ASIC2: variants seen among roughly 807,000 people sequenced by gnomAD.
ASIC2 encodes the protein acid sensing ion channel subunit 2, also known as acid-sensing ion channel 2.
ASIC2 carries 25 observed loss-of-function variants against 57.3 expected under a neutral mutation model. The observed-to-expected ratio is 0.44, with a 90% CI of 0.32 to 0.61. The LOEUF (loss-of-function observed/expected upper bound fraction) is 0.61. Ranked by LOEUF, ASIC2 falls within the 20% of genes least tolerant of loss-of-function variation. ASIC2 has a pLI of 0.06. For synonymous variants in ASIC2, 319 were observed against 307.5 expected, an observed-to-expected ratio of 1.04 and a Z score of -0.39; for missense variants, 641 against 738.1, an observed-to-expected ratio of 0.87 and a Z score of 1.52.
chr17:33,618,603 T>TA (rs1399463452), intron 1 of ASIC2, among the ~76,000 whole-genome samples: 1 of 152,232 alleles, frequency 6.6e-6, no homozygotes, highest in African/African-American at 2.4e-5. Context: ...CTCATCCATG[T>TA]ATCTGAATGC....
chr17:33,447,419 A>G (rs1912067810), intron 1 of ASIC2, among the ~76,000 whole-genome samples: 1 of 152,212 alleles, frequency 6.6e-6, no homozygotes, highest in African/African-American at 2.4e-5. Flanking sequence ...AAGTACTGTC[A>G]GAAACAGATA....
intron 1 of ASIC2, among the ~76,000 whole-genome samples, chr17:33,192,540 G>A (rs999183286): frequency 6.6e-6 from 1 of 152,204 alleles, no homozygotes; most frequent in African/African-American, 2.4e-5. Context: ...TCCCCTGCTG[G>A]ACAGGCAGGG....
At chr17:33,806,210 A>G (rs1371226052) in intron 1 of ASIC2, among the ~76,000 whole-genome samples, 1 of 152,266 alleles carries the variant, frequency 6.6e-6, no homozygotes, top group Admixed American at 6.5e-5. Context: ...CATGCAGTCT[A>G]TGTTGCAAAT....
At chr17:33,026,102 G>A in intron 4 of ASIC2, 120 bp from the exon 5 acceptor site, 1 of 1,046,950 alleles carries the variant, frequency 9.6e-7, no homozygotes, top group Middle Eastern at 2.6e-4. Flanking sequence ...GCAGCGGCCT[G>A]CCAGTGGGCA....
chr17:33,441,618 T>G (rs1911825484), intron 1 of ASIC2, among the ~76,000 whole-genome samples: 1 of 152,190 alleles, frequency 6.6e-6, no homozygotes, highest in Admixed American at 6.5e-5. Flanking sequence ...TTCCTTCTCC[T>G]TCTCCCATGA....
intron 1 of ASIC2, among the ~76,000 whole-genome samples, chr17:33,561,600 T>C (rs1434034853): frequency 1.3e-5 from 2 of 152,190 alleles, no homozygotes; most frequent in Admixed American, 6.5e-5. Context: ...AGTGCTGCAA[T>C]TTGTAGAACA....
chr17:33,291,878 C>G lies in ASIC2; in HGVS notation c.238G>C (p.Gly80Arg), dbSNP rs541166759. 2 of 1,607,026 alleles carry G rather than the reference C, an allele frequency of 1.2e-6. No homozygotes were observed. The highest frequency in any genetic ancestry group is 2.7e-5 in the African/African-American group (2 of 75,018). Reference sequence around the variant, plus strand: ...AGCGCCCGCCGCTGGAAGGAGCCCCCAGCCGCCGTGCGCCCGGCACACATG... The same window carrying G: ...AGCGCCCGCCGCTGGAAGGAGCCCCGAGCCGCCGTGCGCCCGGCACACATG... ...RHMCAGRTAA[G>R]GSFQRRALWV... The change falls in exon 1 of 10, where the codon GGG becomes CGG. Residue 80 changes from glycine to arginine, a missense_variant. Gly to Arg is a moderately radical substitution (Grantham distance 125). Coordinates refer to ENST00000225823, the MANE Select transcript of ASIC2 (RefSeq NM_183377.2).
At chr17:33,926,009 T>G (rs973622151) in intron 1 of ASIC2, among the ~76,000 whole-genome samples, 4 of 152,214 alleles carry the variant, frequency 2.6e-5, no homozygotes, top group African/African-American at 9.6e-5. Flanking sequence ...ATTATCCAAA[T>G]ACAGGAAATA....
At chr17:33,166,711 C>A (rs758332131) in intron 1 of ASIC2, among the ~76,000 whole-genome samples, 2 of 152,234 alleles carry the variant, frequency 1.3e-5, no homozygotes, top group Non-Finnish European at 2.9e-5. Flanking sequence ...AGAGTCCAGA[C>A]CACAGGCAGA....
At chr17:34,056,716 C>T (rs1455500045) in intron 1 of ASIC2, among the ~76,000 whole-genome samples, 4 of 152,220 alleles carry the variant, frequency 2.6e-5, no homozygotes, top group Non-Finnish European at 5.9e-5. Context: ...TTATTTACTT[C>T]TCAATTTCAA....
At chr17:34,114,537 C>T (rs905244032) in intron 1 of ASIC2, among the ~76,000 whole-genome samples, 2 of 152,168 alleles carry the variant, frequency 1.3e-5, no homozygotes, top group Non-Finnish European at 2.9e-5. Context: ...GTGTTTTTGG[C>T]AACATTCCTA....
At position 33,809,728 on chromosome 17, in the gene ASIC2, C is replaced by T. The variant is rs1025983829; in HGVS notation, c.555+346250G>A. Among the ~76,000 whole-genome samples the T allele has an allele frequency of 3.9e-5, 6 of 152,278 alleles. No individual in the cohort carries two copies. In the South Asian group the frequency reaches 1.0e-3, roughly 26 times the overall value. On this transcript the variant is annotated intron_variant, in intron 1 of 9. Transcript: ENST00000359872. ...GTTTATCTTGAGGAAGAAATGGCAG[C>T]TGCCACAACACAGCCAGGAATGTGG...
At chr17:33,338,199 T>C (rs1907594853) in intron 1 of ASIC2, among the ~76,000 whole-genome samples, 1 of 151,374 alleles carries the variant, frequency 6.6e-6, no homozygotes, top group South Asian at 2.1e-4. Flanking sequence ...TGAGGTGTTC[T>C]GGAAGGGAAA....
At chr17:33,971,387 G>A (rs751213503) in intron 1 of ASIC2, among the ~76,000 whole-genome samples, 1 of 152,122 alleles carries the variant, frequency 6.6e-6, no homozygotes, top group Non-Finnish European at 1.5e-5. Flanking sequence ...GAAGAGCAAC[G>A]GCAAGTCTAA....
chr17:33,260,746 G>T (rs544104496), intron 1 of ASIC2, among the ~76,000 whole-genome samples: 15 of 152,286 alleles, frequency 9.8e-5, no homozygotes, highest in Admixed American at 3.9e-4. Flanking sequence ...CTGCTTCCTT[G>T]GGACAGCCCC....
intron 1 of ASIC2, among the ~76,000 whole-genome samples, chr17:33,449,741 C>A (rs1912175442): frequency 1.3e-5 from 2 of 151,946 alleles, no homozygotes; most frequent in African/African-American, 2.4e-5. Context: ...CAAAGCTACA[C>A]AAAGGATTCA....
intron 1 of ASIC2, among the ~76,000 whole-genome samples, chr17:33,802,052 A>G (rs1051580688): frequency 6.6e-6 from 1 of 152,206 alleles, no homozygotes; most frequent in Admixed American, 6.5e-5. Flanking sequence ...AGGTGTTTTG[A>G]TTTTCTAGAT....
At chr17:33,080,865 G>A (rs544286424) in intron 3 of ASIC2, among the ~76,000 whole-genome samples, 2 of 152,142 alleles carry the variant, frequency 1.3e-5, no homozygotes, top group Non-Finnish European at 2.9e-5. Flanking sequence ...GATGGTGCGA[G>A]ATTTCATCAC....
intron 1 of ASIC2, among the ~76,000 whole-genome samples, chr17:33,846,150 A>G (rs1913590841): frequency 6.6e-6 from 1 of 152,198 alleles, no homozygotes; most frequent in African/African-American, 2.4e-5. Context: ...TTCCATGTCC[A>G]GGCCCAGTGT....
Sources: allele counts gnomAD v4.1 joint callset (sites outside exome capture counted in the v4.1 genomes callset), GRCh38; gene constraint gnomAD v4.1.1; transcripts MANE v1.5; gene names NCBI Gene and HGNC (gene_info 2026-07-23, HGNC 2026-07-21).